PITPNM3: variants seen among roughly 807,000 people sequenced by gnomAD.
PITPNM3 encodes the protein PITPNM family member 3.
Under a neutral mutation model 102.0 loss-of-function variants are expected in PITPNM3, and 26 were observed. The observed-to-expected ratio is 0.25, with a 90% CI of 0.19 to 0.35. The LOEUF is 0.35. PITPNM3 is among the 10% of genes least tolerant of loss of function. The pLI, the probability that PITPNM3 is intolerant of heterozygous loss-of-function variation, is 1.00. For synonymous variants in PITPNM3, 578 were observed against 558.6 expected, an observed-to-expected ratio of 1.03 and a Z score of -0.49; for missense variants, 1,083 against 1,346.1, an observed-to-expected ratio of 0.80 and a Z score of 3.06.
chr17:6,554,406 C>A (rs1910493630), intron 1 of PITPNM3, among the ~76,000 whole-genome samples: 1 of 151,290 alleles, frequency 6.6e-6, no homozygotes, highest in African/African-American at 2.4e-5. Flanking sequence ...GGAGAGGTAA[C>A]CAGACTCCTT....
rs748579152 is a variant in PITPNM3 at position 6,463,808 on chromosome 17, C to T, written c.2230G>A (p.Asp744Asn). The T allele has an allele frequency of 6.2e-7, 1 of 1,613,738 alleles. No homozygotes were observed. The highest frequency in any genetic ancestry group is 8.5e-7 in the Non-Finnish European group (1 of 1,179,978). Residue 744 changes from aspartate (D) to asparagine (N), a missense_variant, in exon 17 of 20, where the codon GAT becomes AAT. Coordinates refer to ENST00000262483, the MANE Select transcript of PITPNM3 (RefSeq NM_031220.4). ...RGMECVVFSIDGSFAASVSIM... is the reference protein window; with the variant it reads ...RGMECVVFSINGSFAASVSIM... ...GACACGCTGGCCGCGAAGGACCCAT[C>T]AATGCTGAACACTACACACTCCATG... is the stretch of plus-strand genomic sequence containing the variant.
intron 6 of PITPNM3, chr17:6,481,933 C>T (rs1905724994): frequency 2.4e-5 from 3 of 124,698 alleles, no homozygotes; most frequent in South Asian, 5.6e-4. Flanking sequence ...CAGTTCCTGG[C>T]TCCCATAGCC....
At chr17:6,528,379 T>A (rs1384303642) in intron 2 of PITPNM3, among the ~76,000 whole-genome samples, 1 of 152,122 alleles carries the variant, frequency 6.6e-6, no homozygotes, top group African/African-American at 2.4e-5. Context: ...GTCCTCAGGA[T>A]CTCTCCAGCC....
intron 3 of PITPNM3, among the ~76,000 whole-genome samples, chr17:6,505,641 A>G (rs1332810935): frequency 6.6e-6 from 1 of 152,266 alleles, no homozygotes; most frequent in Non-Finnish European, 1.5e-5. Flanking sequence ...GCTAAGGCCC[A>G]TGAAACTCTG....
At position 6,451,440 on chromosome 17, in the gene PITPNM3, G is replaced by C. The variant is rs1913827519; in HGVS notation, c.*3898C>G. 1 of 152,204 alleles carries C rather than the reference G, an allele frequency of 6.6e-6. No homozygotes were observed. Among genetic ancestry groups the C allele is most frequent in the Admixed American group, 6.5e-5 (1 of 15,276 alleles). 9.4% of individuals were successfully genotyped at this position (152,204 alleles called of 1,614,324 possible). A position where few individuals can be genotyped will look rare whatever the true frequency, so the allele number is the denominator to read the frequency against. On this transcript the variant is annotated 3_prime_UTR_variant, in exon 20 of 20. Coordinates refer to ENST00000262483, the MANE Select transcript of PITPNM3 (RefSeq NM_031220.4). Reference sequence around the variant, plus strand: ...CGGATTTTGTACAAGGCAGCCATAAGGAATATAATAAACCTTTTTCACCAC... The same window carrying C: ...CGGATTTTGTACAAGGCAGCCATAACGAATATAATAAACCTTTTTCACCAC...
chr17:6,496,779 C>T (rs1906851521), intron 4 of PITPNM3, among the ~76,000 whole-genome samples: 1 of 152,076 alleles, frequency 6.6e-6, no homozygotes, highest in African/African-American at 2.4e-5. Flanking sequence ...CCATTTTGCA[C>T]CCCTATAAGT....
intron 6 of PITPNM3, chr17:6,479,004 C>G (rs1204641755): frequency 1.9e-6 from 1 of 518,642 alleles, no homozygotes; most frequent in Non-Finnish European, 3.5e-6. Context: ...ACTGCAGTCT[C>G]TATTGCCCTC....
chr17:6,552,651 C>G (rs1910373736), intron 1 of PITPNM3, among the ~76,000 whole-genome samples: 1 of 152,192 alleles, frequency 6.6e-6, no homozygotes, highest in Non-Finnish European at 1.5e-5. Context: ...CCACCCCTAC[C>G]CATAGCAGTC....
intron 8 of PITPNM3, 127 bp from the exon 9 acceptor site, chr17:6,477,340 C>T: frequency 3.0e-6 from 3 of 991,232 alleles, no homozygotes; most frequent in Non-Finnish European, 4.6e-6. Context: ...ACCCTTCTTC[C>T]AAAAGACACA....
At chr17:6,503,946 A>G (rs753774034) in intron 3 of PITPNM3, among the ~76,000 whole-genome samples, 17 of 151,928 alleles carry the variant, frequency 1.1e-4, no homozygotes, top group Admixed American at 3.9e-4. Context: ...CAAGCCCACA[A>G]ACCACTGCCA....
chr17:6,505,557 G>A (rs1907453900), intron 3 of PITPNM3, among the ~76,000 whole-genome samples: 1 of 152,180 alleles, frequency 6.6e-6, no homozygotes. Flanking sequence ...CACAGATGTG[G>A]ACAGAAACAA....
intron 2 of PITPNM3, among the ~76,000 whole-genome samples, chr17:6,528,905 C>A (rs977742972): frequency 3.3e-5 from 5 of 152,214 alleles, no homozygotes; most frequent in African/African-American, 1.2e-4. Flanking sequence ...AGCTTGAAGT[C>A]TTTGCTCTGC....
chr17:6,544,996 G>A (rs781588132), intron 1 of PITPNM3, among the ~76,000 whole-genome samples: 10 of 152,052 alleles, frequency 6.6e-5, no homozygotes, highest in South Asian at 2.1e-4. Flanking sequence ...AGGCTCCTGC[G>A]GACAGGCAGG....
chr17:6,507,936 A>C (rs900733876), intron 3 of PITPNM3, among the ~76,000 whole-genome samples: 1 of 150,480 alleles, frequency 6.6e-6, no homozygotes, highest in South Asian at 2.1e-4. Flanking sequence ...GAGGTGGGAA[A>C]GTTGGGGAGG....
intron 4 of PITPNM3, among the ~76,000 whole-genome samples, chr17:6,491,513 A>G (rs1455370112): frequency 6.6e-6 from 1 of 152,136 alleles, no homozygotes; most frequent in Non-Finnish European, 1.5e-5. Context: ...ATGAAAGTGG[A>G]TCGGCTCTGG....
At position 6,477,200 on chromosome 17, in the gene PITPNM3, G is replaced by A. The variant is rs145148072; in HGVS notation, c.914C>T (p.Ala305Val). The A allele has an allele frequency of 2.7e-5, 43 of 1,614,022 alleles. No homozygotes were observed. In the African/African-American group the frequency reaches 3.2e-4, roughly 12 times the overall value. Reference sequence around the variant, plus strand: ...GGCCAGGCTGCAATCTTCCTCCACCGCGACTGGGGTGTCCTTTGGGACCGA... The same window carrying A: ...GGCCAGGCTGCAATCTTCCTCCACCACGACTGGGGTGTCCTTTGGGACCGA... ...SISSTQDTPV[A>V]VEEDCSLASS... Residue 305 changes from alanine to valine, a missense_variant, in exon 9 of 20, where the codon GCG becomes GTG. Around this residue, in one of 5 missense-constraint regions of PITPNM3, gnomAD observed 172 missense variants for 175.6 expected, o/e 0.98. Coordinates refer to ENST00000262483, the MANE Select transcript of PITPNM3 (RefSeq NM_031220.4).
chr17:6,525,318 A>C, intron 3 of PITPNM3, 38 bp downstream of exon 3: 105 of 1,530,582 alleles, frequency 6.9e-5, no homozygotes, highest in Non-Finnish European at 8.3e-5. Context: ...CAACACACCT[A>C]TGTGCACATC....
Position 6,457,660 on chromosome 17 carries a change from C to G in PITPNM3, c.2553G>C (p.Leu851=). 1 of 1,610,958 alleles carries G rather than the reference C, an allele frequency of 6.2e-7. No individual in the cohort carries two copies. Among genetic ancestry groups the G allele is most frequent in the Non-Finnish European group, 8.5e-7 (1 of 1,178,854 alleles). The part of the protein sequence containing the change: ...STKDISVYSV[L]GLPASQIFIV... ...TGAAGATCTGGGAGGCAGGCAGGCC[C>G]AGCACGCTGTAGACAGAGATGTCCT... is the stretch of plus-strand genomic sequence containing the variant. The change falls in exon 19 of 20, where the codon CTG becomes CTC. Residue 851 remains leucine (L), a synonymous_variant. Coordinates refer to ENST00000262483, the MANE Select transcript of PITPNM3 (RefSeq NM_031220.4). The surrounding 1 kb of genome is among the most constrained non-coding windows in gnomAD (Gnocchi z 4.7).
chr17:6,530,036 A>T (rs1909058543), intron 2 of PITPNM3, among the ~76,000 whole-genome samples: 1 of 152,186 alleles, frequency 6.6e-6, no homozygotes, highest in Non-Finnish European at 1.5e-5. Context: ...TCCCACGGTG[A>T]CATCCTTCCA....
Sources: gnomAD v4.1 joint callset for allele counts (sites outside exome capture counted in the v4.1 genomes callset) on GRCh38, gnomAD v4.1.1 for gene constraint, gnomAD v4.1.1 regional missense constraint, Gnocchi (gnomAD v3.1) non-coding constraint, MANE v1.5 for transcripts, NCBI Gene and HGNC (gene_info 2026-07-23, HGNC 2026-07-21) for gene names.